Variants in MAGI2 observed in about 807,000 individuals in gnomAD.
MAGI2 encodes the protein membrane-associated guanylate kinase, WW and PDZ domain-containing protein 2.
MAGI2 carries 35 observed loss-of-function variants against 133.3 expected under a neutral mutation model. The observed-to-expected ratio is 0.26, with a 90% CI of 0.20 to 0.35. MAGI2 has a LOEUF of 0.35. MAGI2 is among the 10% of genes least tolerant of loss of function. MAGI2 has a pLI of 1.00. For missense variants in MAGI2, 1,636 were observed against 1,863.4 expected, an observed-to-expected ratio of 0.88 and a Z score of 2.25; for synonymous variants, 729 against 710.6, an observed-to-expected ratio of 1.03 and a Z score of -0.41.
At chr7:78,666,103 T>C (rs1029269993) in intron 2 of MAGI2, among the ~76,000 whole-genome samples, 1 of 152,128 alleles carries the variant, frequency 6.6e-6, no homozygotes, top group Non-Finnish European at 1.5e-5. Context: ...TATGTAACTT[T>C]TGCTATCCAA....
intron 10 of MAGI2, among the ~76,000 whole-genome samples, chr7:78,206,590 C>G (rs1027513196): frequency 6.6e-6 from 1 of 152,170 alleles, no homozygotes; most frequent in African/African-American, 2.4e-5. Context: ...CGCGCCTGGC[C>G]GCCAAGACAA....
In MAGI2 at chr7:78,613,514, T is replaced by C. The variant is rs191816334; in HGVS notation, c.538+13606A>G. 1.0e-3 allele frequency among the ~76,000 whole-genome samples: 159 copies of C among 152,320 alleles called. 4 individuals carry two copies. In the East Asian group the frequency reaches 0.025, roughly 24 times the overall value. On this transcript the variant is annotated intron_variant, in intron 3 of 21. Transcript: ENST00000354212. ...TCTAGGATATAAAGTTGAACTATAGTAGAGAATTCACAAAGGACTCTTGAT... is the reference window on the plus strand; with the variant it reads ...TCTAGGATATAAAGTTGAACTATAGCAGAGAATTCACAAAGGACTCTTGAT...
At chr7:78,363,528 T>C (rs1015645345) in intron 7 of MAGI2, among the ~76,000 whole-genome samples, 1 of 150,298 alleles carries the variant, frequency 6.7e-6, no homozygotes, top group Non-Finnish European at 1.5e-5. Flanking sequence ...ATAATAATAA[T>C]AATAATTCTG....
chr7:78,452,357 A>G (rs1286213653), intron 6 of MAGI2, among the ~76,000 whole-genome samples: 1 of 152,026 alleles, frequency 6.6e-6, no homozygotes, highest in Non-Finnish European at 1.5e-5. Context: ...TAGTAGGAGC[A>G]ATGCATATTA....
At chr7:78,137,490 G>A (rs1183041861) in intron 16 of MAGI2, among the ~76,000 whole-genome samples, 3 of 152,036 alleles carry the variant, frequency 2.0e-5, no homozygotes, top group African/African-American at 7.2e-5. Context: ...CACTATTAAG[G>A]GGTATGTGTG....
chr7:78,103,907 C>T (rs1347249664), intron 20 of MAGI2, among the ~76,000 whole-genome samples: 1 of 152,320 alleles, frequency 6.6e-6, no homozygotes, highest in South Asian at 2.1e-4. Context: ...TGAATCCACT[C>T]GAATTTTCAT....
intron 2 of MAGI2, among the ~76,000 whole-genome samples, chr7:78,654,938 T>C (rs1239355446): frequency 6.6e-6 from 1 of 151,676 alleles, no homozygotes; most frequent in African/African-American, 2.4e-5. Flanking sequence ...ATTCAAGACC[T>C]GTGCCTTGAA....
At chr7:79,010,900 C>T (rs1293574097) in intron 1 of MAGI2, 1 of 152,102 alleles carries the variant, frequency 6.6e-6, no homozygotes. Flanking sequence ...TTCCAAAAAA[C>T]ATGTACCTAA....
chr7:79,107,190 G>A (rs1818520434), intron 1 of MAGI2, among the ~76,000 whole-genome samples: 1 of 152,172 alleles, frequency 6.6e-6, no homozygotes, highest in Non-Finnish European at 1.5e-5. Flanking sequence ...CCAGGTAAGA[G>A]CAGGATAGTT....
chr7:79,159,051 A>C (rs1824092420), intron 1 of MAGI2, among the ~76,000 whole-genome samples: 2 of 152,116 alleles, frequency 1.3e-5, no homozygotes, highest in Admixed American at 1.3e-4. Flanking sequence ...GAAATAAAAG[A>C]TGTAAAGAAA....
At chr7:78,514,116 A>G (rs1194432860) in intron 4 of MAGI2, among the ~76,000 whole-genome samples, 1 of 145,288 alleles carries the variant, frequency 6.9e-6, no homozygotes, top group Non-Finnish European at 1.5e-5. Context: ...AAAAAAAAGG[A>G]CTAAAGAGGT....
chr7:78,965,778 A>G (rs1161663260), intron 2 of MAGI2, among the ~76,000 whole-genome samples: 2 of 152,246 alleles, frequency 1.3e-5, no homozygotes, highest in African/African-American at 4.8e-5. Flanking sequence ...TTATTGCCCT[A>G]TAAAGCAGAA....
chr7:78,855,550 C>T (rs1793559861), intron 2 of MAGI2, among the ~76,000 whole-genome samples: 2 of 152,114 alleles, frequency 1.3e-5, no homozygotes, highest in Non-Finnish European at 2.9e-5. Flanking sequence ...TGATGGTTTC[C>T]AGCTTCATCC....
At chr7:78,594,365 T>G (rs367840763) in intron 3 of MAGI2, among the ~76,000 whole-genome samples, 9 of 152,368 alleles carry the variant, frequency 5.9e-5, no homozygotes, top group African/African-American at 2.2e-4. Flanking sequence ...AGTGACTTTA[T>G]ACAAAGGCTG....
At chr7:78,373,118 G>A (rs532155753) in intron 6 of MAGI2, among the ~76,000 whole-genome samples, 42 of 152,238 alleles carry the variant, frequency 2.8e-4, no homozygotes, top group African/African-American at 8.9e-4. Context: ...CACTGTGCCC[G>A]GCCAGGAATG....
intron 6 of MAGI2, among the ~76,000 whole-genome samples, chr7:78,383,129 T>G (rs189022840): frequency 6.6e-6 from 1 of 152,238 alleles, no homozygotes; most frequent in East Asian, 1.9e-4. Flanking sequence ...AGATATCCAA[T>G]AGTGGGATTG....
At chr7:78,625,113 G>T (rs560938371) in intron 3 of MAGI2, among the ~76,000 whole-genome samples, 1 of 152,012 alleles carries the variant, frequency 6.6e-6, no homozygotes, top group Admixed American at 6.6e-5. Context: ...TAATGTGTGT[G>T]GTTGTGTCTT....
chr7:79,119,359 G>T (rs1400067560), intron 1 of MAGI2, among the ~76,000 whole-genome samples: 1 of 152,090 alleles, frequency 6.6e-6, no homozygotes, highest in Non-Finnish European at 1.5e-5. Flanking sequence ...TACGTGCAGA[G>T]CAGAAATAAC....
chr7:78,615,969 G>C (rs1456129849), intron 3 of MAGI2: 2 of 152,082 alleles, frequency 1.3e-5, no homozygotes, highest in African/African-American at 4.8e-5. Flanking sequence ...GGAAATCTTA[G>C]CACGGAACAA....
Sources: allele counts gnomAD v4.1 joint callset (sites outside exome capture counted in the v4.1 genomes callset), GRCh38; gene constraint gnomAD v4.1.1; transcripts MANE v1.5; gene names NCBI Gene and HGNC (gene_info 2026-07-23, HGNC 2026-07-21).